The following LINGO2 variants were observed in gnomAD, a reference collection of about 807,000 sequenced individuals.
LINGO2 encodes leucine-rich repeat and immunoglobulin-like domain-containing nogo receptor-interacting protein 2.
In LINGO2, 14 loss-of-function variants were observed where a neutral mutation model predicts 30.6. The observed-to-expected ratio is 0.46, with a 90% CI of 0.30 to 0.72. The LOEUF (loss-of-function observed/expected upper bound fraction) is 0.72. LINGO2 is among the 30% of genes least tolerant of loss of function. The pLI, the probability that LINGO2 is intolerant of heterozygous loss-of-function variation, is 0.07. For synonymous variants in LINGO2, 317 were observed against 288.5 expected, an observed-to-expected ratio of 1.10 and a Z score of -1.00; for missense variants, 729 against 751.7, an observed-to-expected ratio of 0.97 and a Z score of 0.35.
At chr9:27,998,012 T>G (rs1431782615) in intron 5 of LINGO2, among the ~76,000 whole-genome samples, 1 of 152,160 alleles carries the variant, frequency 6.6e-6, no homozygotes, top group African/African-American at 2.4e-5. Context: ...TTGAAAATTA[T>G]AATATTTTAG....
intron 1 of LINGO2, among the ~76,000 whole-genome samples, chr9:28,509,673 C>T (rs2135355268): frequency 6.6e-6 from 1 of 152,214 alleles, no homozygotes; most frequent in African/African-American, 2.4e-5. Context: ...CTTACGTCCT[C>T]ATAAGAGAAG....
intron 3 of LINGO2, among the ~76,000 whole-genome samples, chr9:28,300,934 G>T (rs1200215180): frequency 6.6e-6 from 1 of 151,244 alleles, no homozygotes; most frequent in Non-Finnish European, 1.5e-5. Flanking sequence ...GATCCTGATT[G>T]GTTTGGCTTG....
the LINGO2 span, among the ~76,000 whole-genome samples, chr9:29,081,930 G>T: frequency 6.6e-6 from 1 of 151,968 alleles, no homozygotes; most frequent in Non-Finnish European, 1.5e-5. Context: ...AATAAAAGAG[G>T]ACATAAACAA....
At position 28,382,285 on chromosome 9, in the gene LINGO2, T is replaced by C. The variant is rs112014841; in HGVS notation, c.-278-9417A>G. On this transcript the variant is annotated intron_variant, in intron 2 of 5. Coordinates refer to ENST00000379992, the Ensembl canonical transcript of LINGO2. Reference sequence around the variant, plus strand: ...TATGACATTCAAAATATGAAAGCATTGTTACAAAATCCCAAATGTCTAGAA... The same window carrying C: ...TATGACATTCAAAATATGAAAGCATCGTTACAAAATCCCAAATGTCTAGAA... 6.7e-3 allele frequency among the ~76,000 whole-genome samples: 1,014 copies of C among 152,266 alleles called. 9 individuals carry two copies. The highest frequency in any genetic ancestry group is 0.023 in the African/African-American group (946 of 41,570).
chr9:28,202,342 A>G (rs1033622033), intron 4 of LINGO2, among the ~76,000 whole-genome samples: 4 of 152,114 alleles, frequency 2.6e-5, no homozygotes, highest in African/African-American at 7.2e-5. Context: ...TCTAACAGAC[A>G]CCATTTGTAA....
At chr9:28,332,302 C>T (rs1470406856) in intron 3 of LINGO2, among the ~76,000 whole-genome samples, 1 of 152,040 alleles carries the variant, frequency 6.6e-6, no homozygotes, top group African/African-American at 2.4e-5. Context: ...CTTGCCGTCA[C>T]TTTCAAAACC....
chr9:28,423,171 T>C (rs762611061), intron 2 of LINGO2, among the ~76,000 whole-genome samples: 3 of 152,082 alleles, frequency 2.0e-5, no homozygotes, highest in Non-Finnish European at 4.4e-5. Flanking sequence ...ATGGTTAAGG[T>C]GGTAAATTTT....
chr9:27,978,627 A>C (rs1453600946), intron 5 of LINGO2, among the ~76,000 whole-genome samples: 2 of 152,066 alleles, frequency 1.3e-5, no homozygotes, highest in Admixed American at 6.6e-5. Flanking sequence ...CTACTATGCA[A>C]AACTGTGAGA....
chr9:28,692,741 G>A, the LINGO2 span, among the ~76,000 whole-genome samples: 1 of 152,098 alleles, frequency 6.6e-6, no homozygotes, highest in African/African-American at 2.4e-5. Context: ...CTCATGTTGG[G>A]TGGCACTGGT....
At chr9:28,666,833 A>C (rs533610393) in intron 1 of LINGO2, among the ~76,000 whole-genome samples, 1 of 152,312 alleles carries the variant, frequency 6.6e-6, no homozygotes, top group South Asian at 2.1e-4. Flanking sequence ...CAGCTAGATA[A>C]AACTAATGCA....
intron 5 of LINGO2, among the ~76,000 whole-genome samples, chr9:27,951,584 T>C (rs796698382): frequency 1.3e-5 from 2 of 152,086 alleles, no homozygotes; most frequent in South Asian, 4.1e-4. Flanking sequence ...ATTAAATAGG[T>C]AGCAAATGAG....
At chr9:28,795,529 C>T in the LINGO2 span, among the ~76,000 whole-genome samples, 1 of 151,732 alleles carries the variant, frequency 6.6e-6, no homozygotes, top group African/African-American at 2.4e-5. Flanking sequence ...CTGTAAATAA[C>T]TAGTCTATTT....
At chr9:28,333,378 T>C (rs1453611914) in intron 3 of LINGO2, among the ~76,000 whole-genome samples, 5 of 152,150 alleles carry the variant, frequency 3.3e-5, no homozygotes, top group Admixed American at 6.5e-5. Context: ...ACATCAGACA[T>C]TTTTAAAGGA....
the LINGO2 span, among the ~76,000 whole-genome samples, chr9:28,720,557 G>A: frequency 6.6e-6 from 1 of 151,952 alleles, no homozygotes; most frequent in Non-Finnish European, 1.5e-5. Flanking sequence ...TTCTGTCACT[G>A]ATGAGGAGAT....
At chr9:28,167,642 C>A (rs1828469287) in intron 4 of LINGO2, among the ~76,000 whole-genome samples, 2 of 152,224 alleles carry the variant, frequency 1.3e-5, no homozygotes, top group Admixed American at 1.3e-4. Flanking sequence ...CCCCTTTGGC[C>A]TCCCAGAGTA....
chr9:28,688,316 CA>C, the LINGO2 span, among the ~76,000 whole-genome samples: 1 of 152,182 alleles, frequency 6.6e-6, no homozygotes, highest in Non-Finnish European at 1.5e-5. Context: ...AAAGCCTTCT[CA>C]AAGGCTCACT....
At chr9:28,950,780 T>C in the LINGO2 span, among the ~76,000 whole-genome samples, 1 of 152,154 alleles carries the variant, frequency 6.6e-6, no homozygotes, top group Admixed American at 6.5e-5. Context: ...TCCATGCTAA[T>C]GGATAGGAAG....
intron 3 of LINGO2, among the ~76,000 whole-genome samples, chr9:28,328,789 T>A (rs1381236350): frequency 1.3e-5 from 2 of 152,182 alleles, no homozygotes; most frequent in Admixed American, 1.3e-4. Context: ...TCCAGTTAAC[T>A]ATTTTAGTAA....
the LINGO2 span, among the ~76,000 whole-genome samples, chr9:28,974,151 G>C: frequency 6.6e-6 from 1 of 152,324 alleles, no homozygotes; most frequent in Non-Finnish European, 1.5e-5. Flanking sequence ...GCTCACACCT[G>C]TAATCCCAGC....
Sources: gnomAD v4.1 joint callset for allele counts (sites outside exome capture counted in the v4.1 genomes callset) on GRCh38, gnomAD v4.1.1 for gene constraint, MANE v1.5 for transcripts, NCBI Gene and HGNC (gene_info 2026-07-23, HGNC 2026-07-21) for gene names.